Variants in PTPRD observed in about 807,000 individuals in gnomAD.
PTPRD encodes the protein receptor-type tyrosine-protein phosphatase delta.
A neutral mutation model predicts 214.5 loss-of-function variants in PTPRD; 34 were observed. The ratio of observed to expected loss-of-function variants is 0.16; its 90% CI spans 0.12 to 0.21. PTPRD has a LOEUF of 0.21. Ranked by LOEUF, PTPRD falls within the 10% of genes least tolerant of loss-of-function variation. The pLI is 1.00. For synonymous variants in PTPRD, 1,128 were observed against 845.7 expected, an observed-to-expected ratio of 1.33 and a Z score of -5.79; for missense variants, 2,545 against 2,398.7, an observed-to-expected ratio of 1.06 and a Z score of -1.27.
intron 3 of PTPRD, among the ~76,000 whole-genome samples, chr9:10,225,034 A>G (rs1204406437): frequency 6.6e-6 from 1 of 152,028 alleles, no homozygotes; most frequent in Non-Finnish European, 1.5e-5. Flanking sequence ...AAAGTTATAC[A>G]TAGATTTCTG....
rs1207056819 is a variant in PTPRD, at chr9:10,270,772, A to G, written c.-545+70191T>C. 2.6e-5 allele frequency among the ~76,000 whole-genome samples: 4 copies of G among 152,200 alleles called. No individual in the cohort carries two copies. In the East Asian group the frequency reaches 5.8e-4, roughly 22 times the overall value. ...AGAATATAGACTATTTTCTGATCCT[A>G]TAAGAAATGATCTGAAATATACATT... On this transcript the variant is annotated intron_variant, in intron 3 of 45. Coordinates refer to ENST00000381196, the MANE Select transcript of PTPRD (RefSeq NM_002839.4).
chr9:8,329,892 C>T (rs1324936286), intron 44 of PTPRD, among the ~76,000 whole-genome samples: 1 of 152,242 alleles, frequency 6.6e-6, no homozygotes. Context: ...CCAGGTGGAC[C>T]TCAGACAGCT....
At chr9:8,750,458 AAGT>A (rs1440929193) in intron 11 of PTPRD, among the ~76,000 whole-genome samples, 1 of 150,356 alleles carries the variant, frequency 6.7e-6, no homozygotes, top group Non-Finnish European at 1.5e-5. Flanking sequence ...ATGCCCGGCC[AAGT>A]AAGTTTTTTT....
At chr9:9,510,839 A>G (rs530239591) in intron 8 of PTPRD, among the ~76,000 whole-genome samples, 104 of 151,808 alleles carry the variant, frequency 6.9e-4, no homozygotes, top group African/African-American at 2.4e-3. Flanking sequence ...ATGCCTTAAA[A>G]TTTTTACTCA....
intron 2 of PTPRD, among the ~76,000 whole-genome samples, chr9:10,397,697 T>A (rs571010082): frequency 6.6e-6 from 1 of 152,000 alleles, no homozygotes; most frequent in Non-Finnish European, 1.5e-5. Flanking sequence ...CACAGTAATA[T>A]GCTGTGCAGG....
chr9:9,531,545 AATT>A (rs1445449314), intron 8 of PTPRD, among the ~76,000 whole-genome samples: 3 of 152,138 alleles, frequency 2.0e-5, no homozygotes, highest in African/African-American at 7.2e-5. Flanking sequence ...AATCTTACAG[AATT>A]ATTGTAATGA....
chr9:8,967,334 G>A (rs1025540605), intron 11 of PTPRD, among the ~76,000 whole-genome samples: 3 of 152,058 alleles, frequency 2.0e-5, no homozygotes, highest in African/African-American at 7.2e-5. Flanking sequence ...CCTACTAAAT[G>A]GAAAGAAATC....
At chr9:9,750,577 T>G (rs980077572) in intron 6 of PTPRD, among the ~76,000 whole-genome samples, 16 of 152,108 alleles carry the variant, frequency 1.1e-4, no homozygotes, top group African/African-American at 3.9e-4. Flanking sequence ...AGATTCACAT[T>G]AAATTGTAAT....
intron 3 of PTPRD, among the ~76,000 whole-genome samples, chr9:10,272,040 A>C (rs1428751045): frequency 1.3e-5 from 2 of 152,174 alleles, no homozygotes; most frequent in Non-Finnish European, 2.9e-5. Flanking sequence ...AAATTATAGA[A>C]CATTTTCATC....
At chr9:10,294,782 A>AT (rs2095627563) in intron 3 of PTPRD, among the ~76,000 whole-genome samples, 1 of 151,878 alleles carries the variant, frequency 6.6e-6, no homozygotes. Context: ...GGCCAGTGCT[A>AT]TTTTCTCTTC....
At chr9:10,458,049 G>A (rs925194874) in intron 2 of PTPRD, among the ~76,000 whole-genome samples, 4 of 151,912 alleles carry the variant, frequency 2.6e-5, no homozygotes, top group Admixed American at 2.0e-4. Context: ...AAAAGAGATT[G>A]AAGCATTAAT....
intron 7 of PTPRD, among the ~76,000 whole-genome samples, chr9:9,650,557 G>A (rs889374377): frequency 1.3e-5 from 2 of 152,106 alleles, no homozygotes; most frequent in African/African-American, 2.4e-5. Flanking sequence ...TTGGTATCAG[G>A]ATGATGCTGG....
intron 9 of PTPRD, among the ~76,000 whole-genome samples, chr9:9,204,188 G>C (rs968677813): frequency 3.9e-5 from 6 of 152,166 alleles, no homozygotes; most frequent in African/African-American, 1.4e-4. Flanking sequence ...ACTCTCTTTA[G>C]CTTTGGGGAA....
chr9:8,505,389 A>G (rs368646049), intron 22 of PTPRD, among the ~76,000 whole-genome samples: 6 of 152,098 alleles, frequency 3.9e-5, no homozygotes, highest in Admixed American at 1.3e-4. Flanking sequence ...TTGGGAGGCC[A>G]AGGCGGGCGG....
chr9:8,580,412 A>G (rs2092947119), intron 14 of PTPRD, among the ~76,000 whole-genome samples: 1 of 152,222 alleles, frequency 6.6e-6, no homozygotes, highest in Admixed American at 6.5e-5. Context: ...CTCTTGTAGA[A>G]TATAGACCCA....
intron 37 of PTPRD, among the ~76,000 whole-genome samples, chr9:8,381,950 A>G (rs1033580765): frequency 1.3e-5 from 2 of 152,104 alleles, no homozygotes; most frequent in Non-Finnish European, 2.9e-5. Flanking sequence ...CTTTGATATC[A>G]GCTCTTCCCA....
At chr9:10,137,676 A>C (rs1368414221) in intron 3 of PTPRD, among the ~76,000 whole-genome samples, 1 of 72,284 alleles carries the variant, frequency 1.4e-5, no homozygotes, top group Non-Finnish European at 2.6e-5. Context: ...CAATGTGCAC[A>C]TGTACCCTAA....
At chr9:9,294,124 A>T (rs1434263297) in intron 9 of PTPRD, among the ~76,000 whole-genome samples, 1 of 151,630 alleles carries the variant, frequency 6.6e-6, no homozygotes, top group Non-Finnish European at 1.5e-5. Context: ...TTATATATGG[A>T]GGATTCACAT....
intron 2 of PTPRD, among the ~76,000 whole-genome samples, chr9:10,456,747 T>C (rs2098920715): frequency 1.3e-5 from 2 of 151,948 alleles, no homozygotes; most frequent in Non-Finnish European, 2.9e-5. Flanking sequence ...AACACATTTG[T>C]AGTCTATTTT....
Sources: allele counts gnomAD v4.1 joint callset (sites outside exome capture counted in the v4.1 genomes callset), GRCh38; gene constraint gnomAD v4.1.1; transcripts MANE v1.5; gene names NCBI Gene and HGNC (gene_info 2026-07-23, HGNC 2026-07-21).